NLGN1: variants seen among roughly 807,000 people sequenced by gnomAD.
NLGN1 encodes the protein neuroligin-1.
NLGN1 carries 12 observed loss-of-function variants against 65.5 expected under a neutral mutation model. That is an observed-to-expected ratio of 0.18 (90% confidence interval 0.12 to 0.30). The LOEUF is 0.30. Among genes scored for constraint, NLGN1 ranks in the 10% least tolerant of loss-of-function variants. NLGN1 has a pLI of 1.00. For synonymous variants in NLGN1, 350 were observed against 359.5 expected (o/e 0.97, Z 0.30); for missense variants, 750 against 1,007.1 (o/e 0.74, Z 3.46).
intron 4 of NLGN1, among the ~76,000 whole-genome samples, chr3:174,259,085 T>A (rs1233314140): frequency 6.6e-6 from 1 of 152,168 alleles, no homozygotes; most frequent in Non-Finnish European, 1.5e-5. Context: ...TCCTAGTCAT[T>A]CATTAGGGGG....
At chr3:173,972,096 G>T (rs1019879063) in intron 4 of NLGN1, among the ~76,000 whole-genome samples, 1 of 152,034 alleles carries the variant, frequency 6.6e-6, no homozygotes, top group Non-Finnish European at 1.5e-5. Context: ...ACAGGACTAC[G>T]GGGCATAAAG....
intron 4 of NLGN1, among the ~76,000 whole-genome samples, chr3:174,054,820 G>C (rs1272874178): frequency 6.6e-6 from 1 of 151,988 alleles, no homozygotes; most frequent in Non-Finnish European, 1.5e-5. Context: ...TTATTTCTGT[G>C]CATAGTCTGA....
chr3:173,863,904 G>C (rs567875946), intron 4 of NLGN1, among the ~76,000 whole-genome samples: 13 of 152,152 alleles, frequency 8.5e-5, no homozygotes, highest in Non-Finnish European at 1.8e-4. Flanking sequence ...TAGAAAAAGT[G>C]ATCAATCTAT....
At chr3:174,124,960 G>A (rs1718627676) in intron 4 of NLGN1, among the ~76,000 whole-genome samples, 1 of 151,990 alleles carries the variant, frequency 6.6e-6, no homozygotes, top group African/African-American at 2.4e-5. Context: ...GCCTGACTCA[G>A]GTGCAGGCTT....
At chr3:173,734,562 A>C (rs559756715) in intron 3 of NLGN1, among the ~76,000 whole-genome samples, 1 of 151,018 alleles carries the variant, frequency 6.6e-6, no homozygotes, top group Non-Finnish European at 1.5e-5. Flanking sequence ...ACAGCCACCT[A>C]ATTTTTTATT....
chr3:173,457,189 C>T (rs1722642753), intron 2 of NLGN1, among the ~76,000 whole-genome samples: 1 of 152,020 alleles, frequency 6.6e-6, no homozygotes, highest in Admixed American at 6.6e-5. Context: ...TCATTATCAT[C>T]ACCATTATCA....
At chr3:174,275,165 T>TAA in intron 4 of NLGN1, 150 bp from the exon 5 acceptor site, 1 of 617,202 alleles carries the variant, frequency 1.6e-6, no homozygotes, top group Non-Finnish European at 2.8e-6. Context: ...CTTGCTAAAG[T>TAA]AAATTCTTTT....
intron 3 of NLGN1, among the ~76,000 whole-genome samples, chr3:173,738,296 G>T (rs1424605435): frequency 7.3e-5 from 11 of 151,474 alleles, no homozygotes; most frequent in Admixed American, 6.6e-4. Context: ...TTGTGCTTTT[G>T]GTGTCATGTT....
chr3:173,539,536 T>A (rs1420360274), intron 2 of NLGN1, among the ~76,000 whole-genome samples: 1 of 143,974 alleles, frequency 6.9e-6, no homozygotes, highest in Non-Finnish European at 1.5e-5. Context: ...TATATACATA[T>A]GTATATATAA....
intron 2 of NLGN1, among the ~76,000 whole-genome samples, chr3:173,560,385 G>C (rs932514373): frequency 6.6e-6 from 1 of 151,928 alleles, no homozygotes; most frequent in African/African-American, 2.4e-5. Flanking sequence ...GAAAGAGAAG[G>C]AAATGAAAAA....
chr3:174,135,085 C>A (rs779473585), intron 4 of NLGN1, among the ~76,000 whole-genome samples: 9 of 152,166 alleles, frequency 5.9e-5, no homozygotes, highest in Non-Finnish European at 1.3e-4. Context: ...ACCTATCATT[C>A]TGATCATCCC....
exon 7 of NLGN1, chr3:174,286,301 G>T (rs1229673160): frequency 2.0e-5 from 3 of 151,336 alleles, no homozygotes; most frequent in African/African-American, 4.8e-5. Context: ...AAACCAAATT[G>T]CTAGCAGTTT....
chr3:173,914,987 T>C (rs921585625), intron 4 of NLGN1: 1 of 152,218 alleles, frequency 6.6e-6, no homozygotes, highest in Non-Finnish European at 1.5e-5. Context: ...TTTAAAACAA[T>C]TGCTGCAATT....
intron 4 of NLGN1, among the ~76,000 whole-genome samples, chr3:174,271,722 A>G (rs950074415): frequency 2.0e-4 from 30 of 151,742 alleles, no homozygotes; most frequent in Non-Finnish European, 2.7e-4. Flanking sequence ...AGGAACCACA[A>G]ATGGACATGT....
rs890828037 is a variant in NLGN1 at position 173,547,585 on chromosome 3, T to C, written c.-320-56694T>C. On this transcript the variant is annotated intron_variant, in intron 2 of 6. Coordinates refer to ENST00000457714, the Ensembl canonical transcript of NLGN1. ...CTCCAATGAACCACACTGATGCTTC[T>C]TTGTTGATCTTATATACTTATTTTT... Among the ~76,000 whole-genome samples, 6 of 152,194 alleles carry C rather than the reference T, an allele frequency of 3.9e-5. No homozygotes were observed. In the East Asian group the frequency reaches 1.2e-3, roughly 29 times the overall value.
intron 3 of NLGN1, among the ~76,000 whole-genome samples, chr3:173,761,632 G>A (rs1421998995): frequency 6.6e-6 from 1 of 151,944 alleles, no homozygotes; most frequent in Non-Finnish European, 1.5e-5. Flanking sequence ...AGATCAGGGG[G>A]CCCTCCATTT....
At chr3:173,857,586 CA>C (rs147737340) in intron 4 of NLGN1, among the ~76,000 whole-genome samples, 12 of 150,786 alleles carry the variant, frequency 8.0e-5, no homozygotes, top group East Asian at 3.9e-4. Context: ...CCCACTAATA[CA>C]AAAAAAAATC....
chr3:173,480,592 A>G (rs1053004554), intron 2 of NLGN1, among the ~76,000 whole-genome samples: 3 of 152,110 alleles, frequency 2.0e-5, no homozygotes, highest in African/African-American at 7.2e-5. Context: ...TAATTACCCA[A>G]TCAAGGACAT....
At chr3:173,896,721 G>A (rs548635690) in intron 4 of NLGN1, among the ~76,000 whole-genome samples, 2 of 152,160 alleles carry the variant, frequency 1.3e-5, no homozygotes, top group South Asian at 4.2e-4. Flanking sequence ...ATGCTGACAT[G>A]CTTCATTTTA....
Sources: gnomAD v4.1 joint callset for allele counts (sites outside exome capture counted in the v4.1 genomes callset) on GRCh38, gnomAD v4.1.1 for gene constraint, MANE v1.5 for transcripts, NCBI Gene and HGNC (gene_info 2026-07-23, HGNC 2026-07-21) for gene names.